SLIT3: variants seen among roughly 807,000 people sequenced by gnomAD.
SLIT3 encodes slit guidance ligand 3.
SLIT3 carries 68 observed loss-of-function variants against 184.0 expected under a neutral mutation model. The ratio of observed to expected loss-of-function variants is 0.37; its 90% CI spans 0.30 to 0.45. The LOEUF (loss-of-function observed/expected upper bound fraction) is 0.45, where lower values mean the gene tolerates loss of function less well. Among genes scored for constraint, SLIT3 ranks in the 20% least tolerant of loss-of-function variants. The pLI is 1.00. For synonymous variants in SLIT3, 831 were observed against 828.6 expected, an observed-to-expected ratio of 1.00 and a Z score of -0.05; for missense variants, 1,707 against 2,026.0, an observed-to-expected ratio of 0.84 and a Z score of 3.02.
chr5:168,883,351 A>G lies in SLIT3; in HGVS notation c.414-15T>C. ...CACTCAAATCTCTAAACAAGAAGAG[A>G]AGAGGCACACTGCATTAAAGACCCA... On this transcript the variant is annotated splice_polypyrimidine_tract_variant and intron_variant, in intron 4 of 35. Coordinates refer to ENST00000519560, the MANE Select transcript of SLIT3 (RefSeq NM_003062.4). The G allele has an allele frequency of 6.2e-7, 1 of 1,604,708 alleles. No individual in the cohort carries two copies. The highest frequency in any genetic ancestry group is 8.5e-7 in the Non-Finnish European group (1 of 1,171,570).
At chr5:168,849,089 A>C (rs373625145) in intron 5 of SLIT3, among the ~76,000 whole-genome samples, 1 of 152,220 alleles carries the variant, frequency 6.6e-6, no homozygotes, top group Non-Finnish European at 1.5e-5. Context: ...CAGGATTTCA[A>C]TGATGCATTT....
rs750186776 is a variant in SLIT3 at position 168,772,805 on chromosome 5, T to G, written c.1435A>C (p.Lys479Gln). ...RLANKRISQIKSKKFRCSGSE... is the reference protein window; with the variant it reads ...RLANKRISQIQSKKFRCSGSE... ...CCTGAGCAGCGGAACTTCTTGCTCTTGATCTGGCTGATGCGCTTGTTGGCG... is the reference window on the plus strand; with the variant it reads ...CCTGAGCAGCGGAACTTCTTGCTCTGGATCTGGCTGATGCGCTTGTTGGCG... Residue 479 changes from lysine (K) to glutamine (Q), a missense_variant, in exon 14 of 36, where the codon AAG becomes CAG. Physicochemically the swap from Lys to Gln is moderately conservative, Grantham distance 53. Coordinates refer to ENST00000519560, the MANE Select transcript of SLIT3 (RefSeq NM_003062.4). 1.2e-6 allele frequency: 2 copies of G among 1,614,178 alleles called. No homozygotes were observed. The highest frequency in any genetic ancestry group is 1.7e-6 in the Non-Finnish European group (2 of 1,180,028).
intron 20 of SLIT3, among the ~76,000 whole-genome samples, chr5:168,734,199 G>A (rs1271062370): frequency 6.6e-6 from 1 of 152,214 alleles, no homozygotes. Flanking sequence ...TCAACTGACT[G>A]TAGATATTAA....
chr5:168,702,375 G>A (rs1762242896), intron 26 of SLIT3, among the ~76,000 whole-genome samples: 1 of 152,166 alleles, frequency 6.6e-6, no homozygotes, highest in Non-Finnish European at 1.5e-5. Flanking sequence ...AGATCGCACA[G>A]CAGTAAGTGA....
intron 4 of SLIT3, among the ~76,000 whole-genome samples, chr5:168,888,187 A>C (rs1283354894): frequency 6.6e-6 from 1 of 152,234 alleles, no homozygotes; most frequent in East Asian, 1.9e-4. Context: ...AAGTACAATC[A>C]GGTGAAGTCT....
At chr5:168,762,237 G>A (rs79334275) in intron 15 of SLIT3, among the ~76,000 whole-genome samples, 3,827 of 152,212 alleles carry the variant, frequency 0.025, 179 homozygotes, top group African/African-American at 0.087. Context: ...GCTCCGTAAG[G>A]GTTGGCAGGG....
At chr5:168,838,800 C>A (rs1758144802) in intron 6 of SLIT3, among the ~76,000 whole-genome samples, 2 of 152,128 alleles carry the variant, frequency 1.3e-5, no homozygotes, top group African/African-American at 4.8e-5. Flanking sequence ...GGTTCCGCAT[C>A]AGGCCACGTT....
chr5:168,986,254 A>G (rs1231207454), intron 4 of SLIT3, among the ~76,000 whole-genome samples: 1 of 152,192 alleles, frequency 6.6e-6, no homozygotes, highest in Non-Finnish European at 1.5e-5. Context: ...CACGATCCCT[A>G]TATGATAGAT....
intron 6 of SLIT3, among the ~76,000 whole-genome samples, chr5:168,831,022 C>G (rs1309942114): frequency 6.9e-6 from 1 of 144,010 alleles, no homozygotes; most frequent in Admixed American, 6.9e-5. Context: ...GGAGCAGGGA[C>G]AGCTCAGCAC....
chr5:168,703,200 C>T (rs1762267998), intron 26 of SLIT3, among the ~76,000 whole-genome samples: 1 of 151,604 alleles, frequency 6.6e-6, no homozygotes, highest in African/African-American at 2.4e-5. Flanking sequence ...TGGTCCTCCA[C>T]CACACTTTCT....
Position 169,300,520 on chromosome 5 carries a change from C to G in SLIT3, c.190G>C (p.Glu64Gln). 10 of 1,504,174 alleles carry G rather than the reference C, an allele frequency of 6.6e-6. No homozygotes were observed. Among genetic ancestry groups the G allele is most frequent in the Non-Finnish European group, 8.9e-6 (10 of 1,129,452 alleles). The allele number at this position is 1,504,174 out of a possible 1,614,324, so 93.2% of individuals were successfully genotyped here. The change falls in exon 1 of 36, where the codon GAG becomes CAG. Residue 64 changes from glutamate to glutamine, a missense_variant. Transcript: ENST00000519560. The surrounding 1 kb of genome is among the most constrained non-coding windows in gnomAD (Gnocchi z 4.1). ...AVPRGIPRNA[E>Q]RLDLDRNNIT... The stretch of plus-strand genomic sequence containing the variant: ...TGGGGCAGGGGTACTCACAGGCGCT[C>G]AGCGTTGCGGGGGATGCCCCGAGGA...
intron 4 of SLIT3, among the ~76,000 whole-genome samples, chr5:169,116,923 A>G (rs759150744): frequency 2.0e-5 from 3 of 152,224 alleles, no homozygotes; most frequent in Non-Finnish European, 4.4e-5. Flanking sequence ...GGCCAGCCTC[A>G]AAGTCCACAG....
chr5:169,294,720 T>C (rs1767451080), intron 1 of SLIT3, among the ~76,000 whole-genome samples: 2 of 152,220 alleles, frequency 1.3e-5, no homozygotes, highest in South Asian at 2.1e-4. Context: ...CATTAGGCGA[T>C]TTCGTCATTG....
chr5:168,703,047 T>C (rs1762263917), intron 26 of SLIT3, among the ~76,000 whole-genome samples: 1 of 152,150 alleles, frequency 6.6e-6, no homozygotes, highest in South Asian at 2.1e-4. Context: ...CTTGATGACA[T>C]GGTAATTGGG....
chr5:169,290,709 C>A (rs907016717), intron 1 of SLIT3, among the ~76,000 whole-genome samples: 1 of 150,634 alleles, frequency 6.6e-6, no homozygotes, highest in Admixed American at 6.6e-5. Flanking sequence ...AGGGCACGCA[C>A]TAGGGCATAT....
intron 4 of SLIT3, among the ~76,000 whole-genome samples, chr5:169,030,195 C>T (rs1450084159): frequency 5.9e-5 from 9 of 152,244 alleles, no homozygotes; most frequent in African/African-American, 1.9e-4. Context: ...CCTTCCCTGA[C>T]GACTTTCTGA....
At chr5:169,084,485 G>A (rs940761082) in intron 4 of SLIT3, among the ~76,000 whole-genome samples, 2 of 123,698 alleles carry the variant, frequency 1.6e-5, no homozygotes, top group African/African-American at 3.1e-5. Flanking sequence ...TTTTGTTTCT[G>A]GTATTTAGTA....
At chr5:169,130,824 A>C (rs943735132) in intron 4 of SLIT3, among the ~76,000 whole-genome samples, 2 of 152,214 alleles carry the variant, frequency 1.3e-5, no homozygotes, top group African/African-American at 4.8e-5. Flanking sequence ...TAGACTGATC[A>C]TGTGTCAGCA....
Position 169,284,601 on chromosome 5 carries a change from G to T in SLIT3, c.197+15912C>A, listed in dbSNP as rs149105144. 1.6e-3 allele frequency among the ~76,000 whole-genome samples: 238 copies of T among 152,274 alleles called. 1 individual carries two copies. The highest frequency in any genetic ancestry group is 5.7e-3 in the African/African-American group (235 of 41,552). On this transcript the variant is annotated intron_variant, in intron 1 of 35. Coordinates refer to ENST00000519560, the MANE Select transcript of SLIT3 (RefSeq NM_003062.4). ...ATCTTCACAATAACCCTACAAGACA[G>T]TTACTATAGTACCCATTTTACAGAT...
Sources: gnomAD v4.1 joint callset for allele counts (sites outside exome capture counted in the v4.1 genomes callset) on GRCh38, gnomAD v4.1.1 for gene constraint, Gnocchi (gnomAD v3.1) non-coding constraint, MANE v1.5 for transcripts, NCBI Gene and HGNC (gene_info 2026-07-23, HGNC 2026-07-21) for gene names.